The following MYCBP2 variants were observed in gnomAD, a reference collection of about 807,000 sequenced individuals.
MYCBP2 encodes E3 ubiquitin-protein ligase MYCBP2.
MYCBP2 carries 120 observed loss-of-function variants against 525.3 expected under a neutral mutation model. That is an observed-to-expected ratio of 0.23 (90% CI 0.20 to 0.27). The LOEUF is 0.27. Among genes scored for constraint, MYCBP2 ranks in the 10% least tolerant of loss-of-function variants. MYCBP2 has a pLI of 1.00. For synonymous variants in MYCBP2, 1,894 were observed against 1,955.8 expected, an observed-to-expected ratio of 0.97 and a Z score of 0.83; for missense variants, 4,149 against 5,657.1, an observed-to-expected ratio of 0.73 and a Z score of 8.55.
Position 77,044,828 on chromosome 13 carries a change from T to C in MYCBP2, c.*550A>G, listed in dbSNP as rs919262510. Reference sequence around the variant, plus strand: ...ATTGCATTTGTAATTTAGTAATTCTTATACAGGACAAACATTGATATGTTT... The same window carrying C: ...ATTGCATTTGTAATTTAGTAATTCTCATACAGGACAAACATTGATATGTTT... On this transcript the variant is annotated 3_prime_UTR_variant, in exon 83 of 83. Transcript: ENST00000544440. 8 of 398,762 alleles carry C rather than the reference T, an allele frequency of 2.0e-5. No individual in the cohort carries two copies. Among genetic ancestry groups the C allele is most frequent in the African/African-American group, 1.6e-4 (8 of 48,606 alleles). The allele number at this position is 398,762 out of a possible 1,614,324, so 24.7% of individuals were successfully genotyped here. A position where few individuals can be genotyped will look rare whatever the true frequency, so the allele number is the denominator to read the frequency against.
At chr13:77,202,923 C>G (rs1274235194) in intron 26 of MYCBP2, among the ~76,000 whole-genome samples, 1 of 152,130 alleles carries the variant, frequency 6.6e-6, no homozygotes, top group Non-Finnish European at 1.5e-5. Context: ...CTATGACAAA[C>G]CCACAGCCAG....
rs536765128 is a variant in MYCBP2 at position 77,208,148 on chromosome 13, T to G, written c.3417-1323A>C. 2.0e-5 allele frequency among the ~76,000 whole-genome samples: 3 copies of G among 152,264 alleles called. No homozygotes were observed. In the East Asian group the frequency reaches 5.8e-4, roughly 29 times the overall value. On this transcript the variant is annotated intron_variant, in intron 23 of 82. Transcript: ENST00000544440. ...ATCCTCTCATTTTTTCTTTTCCTTT[T>G]CTCCTCCTGCTCTCTTTTCCTCTTT...
intron 47 of MYCBP2, among the ~76,000 whole-genome samples, chr13:77,147,201 G>A (rs566711732): frequency 4.6e-5 from 7 of 152,062 alleles, no homozygotes; most frequent in Non-Finnish European, 8.8e-5. Flanking sequence ...TATTCAGTAA[G>A]AGCCTAAAAA....
At chr13:77,236,293 G>C (rs1250168404) in intron 17 of MYCBP2, among the ~76,000 whole-genome samples, 2 of 152,164 alleles carry the variant, frequency 1.3e-5, no homozygotes, top group South Asian at 2.1e-4. Context: ...GAGATAACCA[G>C]GTTTAGATAG....
intron 80 of MYCBP2, among the ~76,000 whole-genome samples, chr13:77,054,562 T>C (rs1190518151): frequency 6.6e-6 from 1 of 151,944 alleles, no homozygotes; most frequent in Non-Finnish European, 1.5e-5. Flanking sequence ...GGAGACAGAA[T>C]TGATAGGATT....
At chr13:77,195,847 A>C (rs138347513) in intron 26 of MYCBP2, among the ~76,000 whole-genome samples, 79 of 152,284 alleles carry the variant, frequency 5.2e-4, no homozygotes, top group African/African-American at 1.9e-3. Flanking sequence ...TCTTAATCTA[A>C]AATTATTCCT....
In MYCBP2 at chr13:77,078,878, G is replaced by A. The variant is rs1463154721; in HGVS notation, c.11430C>T (p.Thr3810=). 6.2e-7 allele frequency: 1 copy of A among 1,612,988 alleles called. No homozygotes were observed. The highest frequency in any genetic ancestry group is 8.5e-7 in the Non-Finnish European group (1 of 1,179,212). The change falls in exon 66 of 83, where the codon ACC becomes ACT. Residue 3810 remains threonine (T), a synonymous_variant. Transcript: ENST00000544440. The stretch of plus-strand genomic sequence containing the variant: ...CTTTGCCAGTTAAGAAGGTCATTGA[G>A]GTAACTTTATTCTGAAATAGACAAT... The part of the protein sequence containing the change: ...DNSRDLGNKV[T]SMTFLTGKAV...
chr13:77,058,312 C>T lies in MYCBP2; in HGVS notation c.13235G>A (p.Gly4412Asp). 6.2e-7 allele frequency: 1 copy of T among 1,614,150 alleles called. No homozygotes were observed. Among genetic ancestry groups the T allele is most frequent in the Non-Finnish European group, 8.5e-7 (1 of 1,180,026 alleles). ...NEEHCLPCLHGCDKSATSLKQ... is the reference protein window; with the variant it reads ...NEEHCLPCLHDCDKSATSLKQ... ...CAGGCTTGTGGCACTTTTGTCACAG[C>T]CGTGTAGACAGGGCAGACAGTGCTC... is the stretch of plus-strand genomic sequence containing the variant. Residue 4412 changes from glycine to aspartate, a missense_variant, in exon 78 of 83, where the codon GGC becomes GAC. Physicochemically the swap from Gly to Asp is moderately conservative, Grantham distance 94. Around this residue, in one of 21 missense-constraint regions of MYCBP2, gnomAD observed 220 missense variants for 396.0 expected, o/e 0.56. Coordinates refer to ENST00000544440, the MANE Select transcript of MYCBP2 (RefSeq NM_015057.5). This position sits in a 1 kb window ranked among gnomAD's most constrained non-coding sequence, Gnocchi z 4.1.
intron 82 of MYCBP2, among the ~76,000 whole-genome samples, chr13:77,046,045 T>C (rs1433200568): frequency 6.6e-6 from 1 of 152,044 alleles, no homozygotes; most frequent in Non-Finnish European, 1.5e-5. Flanking sequence ...AGCAGGAAAA[T>C]GAAAGTTATC....
At chr13:77,200,790 C>A (rs954486733) in intron 26 of MYCBP2, among the ~76,000 whole-genome samples, 7 of 151,990 alleles carry the variant, frequency 4.6e-5, no homozygotes, top group African/African-American at 1.7e-4. Context: ...TCCAGCCAAA[C>A]TAAGCTTCAT....
chr13:77,116,167 G>C (rs2049718658), intron 55 of MYCBP2, among the ~76,000 whole-genome samples: 1 of 151,964 alleles, frequency 6.6e-6, no homozygotes, highest in South Asian at 2.1e-4. Context: ...CTTAAGTACA[G>C]TGTTTACTAC....
intron 55 of MYCBP2, among the ~76,000 whole-genome samples, chr13:77,105,490 T>G (rs966362151): frequency 3.3e-5 from 5 of 152,114 alleles, no homozygotes; most frequent in Admixed American, 6.6e-5. Context: ...ACACATTAAA[T>G]TTTTACAAAA....
intron 55 of MYCBP2, among the ~76,000 whole-genome samples, chr13:77,111,877 ACATAAAGT>A (rs2048884904): frequency 1.3e-5 from 2 of 152,118 alleles, no homozygotes; most frequent in South Asian, 4.1e-4. Context: ...TATTCACTGC[ACATAAAGT>A]CTAAACTAAG....
At chr13:77,262,189 C>G in intron 10 of MYCBP2, 60 bp from the exon 11 acceptor site, 1 of 1,366,310 alleles carries the variant, frequency 7.3e-7, no homozygotes, top group Non-Finnish European at 1.0e-6. Context: ...CTAAATACAA[C>G]ATGCACTATT....
At chr13:77,174,289 T>C in intron 37 of MYCBP2, 22 bp downstream of exon 37, 2 of 1,609,110 alleles carry the variant, frequency 1.2e-6, no homozygotes, top group Non-Finnish European at 8.5e-7. Flanking sequence ...AGTATTTCCG[T>C]TATCTCTATA....
At chr13:77,120,734 T>C (rs1476795733) in intron 55 of MYCBP2, among the ~76,000 whole-genome samples, 2 of 152,158 alleles carry the variant, frequency 1.3e-5, no homozygotes, top group South Asian at 2.1e-4. Context: ...AAATTAACTA[T>C]TGTTTGGACA....
At position 77,185,374 on chromosome 13, in the gene MYCBP2, G is replaced by A. The variant is rs1448160860; in HGVS notation, c.4448C>T (p.Thr1483Ile). ...AGTTTCTTCTACAACTGCTTTTCCT[G>A]TAGCTTTGAGGGGGAAAAAGCAGAT... The part of the protein sequence containing the change: ...YTCEIYPVSA[T>I]GKAVVEETSK... The change falls in exon 32 of 83, where the codon ACA becomes ATA. Residue 1483 changes from threonine (T) to isoleucine (I), a missense_variant. This residue lies in a region of MYCBP2 where 292 missense variants were observed against 330.5 expected (regional missense o/e 0.88). Transcript: ENST00000544440. The A allele has an allele frequency of 6.2e-7, 1 of 1,608,554 alleles. No homozygotes were observed. Among genetic ancestry groups the A allele is most frequent in the East Asian group, 2.2e-5 (1 of 44,730 alleles).
At chr13:77,144,021 C>A in intron 49 of MYCBP2, 1 of 189,918 alleles carries the variant, frequency 5.3e-6, no homozygotes, top group South Asian at 1.1e-4. Context: ...CAGATTAACA[C>A]AATGATCGAT....
intron 21 of MYCBP2, among the ~76,000 whole-genome samples, chr13:77,213,054 T>C (rs546998825): frequency 6.6e-6 from 1 of 152,234 alleles, no homozygotes. Context: ...CTTCAATCCC[T>C]GGACAGAACC....
Sources: gnomAD v4.1 joint callset for allele counts (sites outside exome capture counted in the v4.1 genomes callset) on GRCh38, gnomAD v4.1.1 for gene constraint, gnomAD v4.1.1 regional missense constraint, Gnocchi (gnomAD v3.1) non-coding constraint, MANE v1.5 for transcripts, NCBI Gene and HGNC (gene_info 2026-07-23, HGNC 2026-07-21) for gene names.